GRIK4: variants seen among roughly 807,000 people sequenced by gnomAD.
GRIK4 encodes the protein glutamate receptor ionotropic, kainate 4.
GRIK4 carries 40 observed loss-of-function variants against 104.9 expected under a neutral mutation model. The ratio of observed to expected loss-of-function variants is 0.38; its 90% CI spans 0.30 to 0.50. GRIK4 has a LOEUF of 0.50. Ranked by LOEUF, GRIK4 falls within the 20% of genes least tolerant of loss-of-function variation. GRIK4 has a pLI of 0.93. For missense variants in GRIK4, 1,047 were observed against 1,308.1 expected (o/e 0.80, Z 3.08); for synonymous variants, 485 against 524.9 (o/e 0.92, Z 1.04).
chr11:120,571,807 G>C (rs538738490), intron 1 of GRIK4, among the ~76,000 whole-genome samples: 20 of 152,312 alleles, frequency 1.3e-4, no homozygotes, highest in Non-Finnish European at 2.4e-4. Context: ...AGGTCTGTGA[G>C]GTGACCTGGG....
chr11:120,964,772 CT>C (rs1395628482), intron 18 of GRIK4, among the ~76,000 whole-genome samples: 1 of 152,158 alleles, frequency 6.6e-6, no homozygotes, highest in Non-Finnish European at 1.5e-5. Context: ...ATAGTCCCCC[CT>C]GCAAGATAGA....
chr11:120,921,202 TG>T (rs1943220871), intron 13 of GRIK4, among the ~76,000 whole-genome samples: 1 of 152,196 alleles, frequency 6.6e-6, no homozygotes, highest in Non-Finnish European at 1.5e-5. Context: ...AAAACCACCT[TG>T]CTTATTATGG....
Position 120,962,648 on chromosome 11 carries a change from G to A in GRIK4, c.2233G>A (p.Asp745Asn), listed in dbSNP as rs1407684869. 1 of 1,613,994 alleles carries A rather than the reference G, an allele frequency of 6.2e-7. No homozygotes were observed. The highest frequency in any genetic ancestry group is 1.1e-5 in the South Asian group (1 of 91,068). ...CNLTQIGGLLDTKGYGIGMPV... is the reference protein window; with the variant it reads ...CNLTQIGGLLNTKGYGIGMPV... ...CCTCACTCAGATTGGGGGCCTGCTG[G>A]ACACCAAGGGCTATGGGATTGGCAT... is the stretch of plus-strand genomic sequence containing the variant. Residue 745 changes from aspartate (D) to asparagine (N), a missense_variant, in exon 18 of 21, where the codon GAC becomes AAC. Physicochemically the swap from Asp to Asn is conservative, Grantham distance 23 (BLOSUM62 1). This residue lies in a region of GRIK4 where 440 missense variants were observed against 652.3 expected (regional missense o/e 0.67). Transcript: ENST00000527524.
chr11:120,923,929 A>G (rs749070930), intron 13 of GRIK4, among the ~76,000 whole-genome samples: 32 of 152,154 alleles, frequency 2.1e-4, no homozygotes, highest in Admixed American at 6.5e-5. Context: ...CTGTCAGGGC[A>G]TCACTGTTGA....
rs117618613 is a variant in GRIK4 at position 120,938,384 on chromosome 11, C to A, written c.1477-1963C>A. Among the ~76,000 whole-genome samples the A allele has an allele frequency of 1.1e-4, 16 of 152,312 alleles. No homozygotes were observed. In the East Asian group the frequency reaches 3.1e-3, roughly 29 times the overall value. On this transcript the variant is annotated intron_variant, in intron 13 of 20. Transcript: ENST00000527524. Reference sequence around the variant, plus strand: ...ACATTTTCTATTTTGTAGTGAAAATCCCCTTCATCTGCACCCTAGTTGCTT... The same window carrying A: ...ACATTTTCTATTTTGTAGTGAAAATACCCTTCATCTGCACCCTAGTTGCTT...
chr11:120,849,141 C>A (rs188590448), intron 8 of GRIK4, among the ~76,000 whole-genome samples: 3 of 152,194 alleles, frequency 2.0e-5, no homozygotes, highest in East Asian at 3.9e-4. Context: ...AAACGCATTG[C>A]TTGTATCTGC....
intron 3 of GRIK4, among the ~76,000 whole-genome samples, chr11:120,773,370 C>T (rs1244095615): frequency 6.6e-6 from 1 of 152,186 alleles, no homozygotes; most frequent in Non-Finnish European, 1.5e-5. Flanking sequence ...ATGAAAACTC[C>T]TCTTCTATAA....
intron 1 of GRIK4, among the ~76,000 whole-genome samples, chr11:120,531,216 C>T (rs1947920323): frequency 6.6e-6 from 1 of 152,228 alleles, no homozygotes; most frequent in Admixed American, 6.5e-5. Flanking sequence ...AAATGCTACC[C>T]TACAACCTCT....
intron 12 of GRIK4, among the ~76,000 whole-genome samples, chr11:120,901,663 G>C (rs543877173): frequency 3.3e-5 from 5 of 152,296 alleles, no homozygotes; most frequent in African/African-American, 1.2e-4. Flanking sequence ...CTACAGGGTA[G>C]GGGTGTCCCT....
At chr11:120,568,224 A>G (rs1482586113) in intron 1 of GRIK4, among the ~76,000 whole-genome samples, 1 of 152,090 alleles carries the variant, frequency 6.6e-6, no homozygotes. Flanking sequence ...TCCAGCAAAG[A>G]CTCACAACCT....
At chr11:120,604,917 C>T (rs1463205079) in intron 1 of GRIK4, among the ~76,000 whole-genome samples, 1 of 152,168 alleles carries the variant, frequency 6.6e-6, no homozygotes, top group Non-Finnish European at 1.5e-5. Flanking sequence ...GGCCAGAGTG[C>T]AGTGGTATGA....
At chr11:120,739,815 G>C (rs1046122629) in intron 3 of GRIK4, among the ~76,000 whole-genome samples, 1 of 152,200 alleles carries the variant, frequency 6.6e-6, no homozygotes, top group African/African-American at 2.4e-5. Context: ...AATTTACGCT[G>C]ATCTGGTACA....
chr11:120,581,512 C>T (rs897057933), intron 1 of GRIK4, among the ~76,000 whole-genome samples: 7 of 152,162 alleles, frequency 4.6e-5, no homozygotes, highest in Non-Finnish European at 7.3e-5. Context: ...GTCTCTAGAG[C>T]TCTTTCAATC....
intron 13 of GRIK4, among the ~76,000 whole-genome samples, chr11:120,938,676 G>A (rs1458424832): frequency 6.6e-6 from 1 of 152,192 alleles, no homozygotes; most frequent in Non-Finnish European, 1.5e-5. Flanking sequence ...TTTGTAGATT[G>A]TTGGACCACA....
intron 4 of GRIK4, among the ~76,000 whole-genome samples, chr11:120,805,555 C>T (rs1235527159): frequency 1.3e-5 from 2 of 152,182 alleles, no homozygotes; most frequent in South Asian, 2.1e-4. Context: ...ATTTTCTTAG[C>T]AAGTGGGCCT....
chr11:120,826,301 G>A lies in GRIK4; in HGVS notation c.512-5551G>A, dbSNP rs144582368. On this transcript the variant is annotated intron_variant, in intron 6 of 20. Transcript: ENST00000527524. ...GACCATCTTTCCTACAGTATGGGAC[G>A]ACCGAGACCATCCCATGTATCAGAG... 7.0e-3 allele frequency among the ~76,000 whole-genome samples: 1,062 copies of A among 152,104 alleles called. 6 individuals carry two copies. Among genetic ancestry groups the A allele is most frequent in the African/African-American group, 0.024 (995 of 41,464 alleles).
intron 1 of GRIK4, among the ~76,000 whole-genome samples, chr11:120,571,728 T>A (rs1056317979): frequency 6.6e-6 from 1 of 152,110 alleles, no homozygotes; most frequent in Non-Finnish European, 1.5e-5. Flanking sequence ...TGTGGATGTC[T>A]GTCTTTCTGA....
intron 20 of GRIK4, 66 bp from the exon 21 acceptor site, chr11:120,985,838 C>T (rs916499071): frequency 4.9e-6 from 7 of 1,439,478 alleles, no homozygotes; most frequent in Non-Finnish European, 5.7e-6. Flanking sequence ...CTCATCCCAG[C>T]GGACTCGCAG....
intron 13 of GRIK4, among the ~76,000 whole-genome samples, chr11:120,923,404 A>ATTTT (rs775194642): frequency 7.1e-4 from 58 of 81,636 alleles, no homozygotes; most frequent in South Asian, 1.2e-3. Flanking sequence ...CCATTTGCTC[A>ATTTT]TTTTTTTTTT....
Sources: gnomAD v4.1 joint callset for allele counts (sites outside exome capture counted in the v4.1 genomes callset) on GRCh38, gnomAD v4.1.1 for gene constraint, gnomAD v4.1.1 regional missense constraint, MANE v1.5 for transcripts, NCBI Gene and HGNC (gene_info 2026-07-23, HGNC 2026-07-21) for gene names.